PACSIN2: variants seen among roughly 807,000 people sequenced by gnomAD.
The protein encoded by PACSIN2 is protein kinase C and casein kinase substrate in neurons 2.
PACSIN2 carries 25 observed loss-of-function variants against 63.8 expected under a neutral mutation model. The observed-to-expected ratio is 0.39, with a 90% CI of 0.29 to 0.55. PACSIN2 has a LOEUF of 0.55. Among genes scored for constraint, PACSIN2 ranks in the 20% least tolerant of loss-of-function variants. The probability of loss-of-function intolerance (pLI) is 0.62; values close to 1 mark genes in which losing one functional copy is unlikely to be tolerated. For synonymous variants in PACSIN2, 255 were observed against 256.2 expected (o/e 1.00, Z 0.05); for missense variants, 518 against 646.9 (o/e 0.80, Z 2.16).
chr22:42,935,081 A>T (rs368792492), intron 1 of PACSIN2, among the ~76,000 whole-genome samples: 1,979 of 148,968 alleles, frequency 0.013, 43 homozygotes, highest in African/African-American at 0.047. Flanking sequence ...GCGCCCGGCT[A>T]ATTTTTTTTT....
chr22:42,891,608 G>A (rs1602193490), intron 3 of PACSIN2, among the ~76,000 whole-genome samples: 1 of 152,096 alleles, frequency 6.6e-6, no homozygotes, highest in Non-Finnish European at 1.5e-5. Flanking sequence ...CACCATGTTG[G>A]CCAGGCTGGC....
At chr22:42,964,729 T>G (rs985752098) in intron 1 of PACSIN2, among the ~76,000 whole-genome samples, 1 of 152,066 alleles carries the variant, frequency 6.6e-6, no homozygotes, top group Admixed American at 6.5e-5. Context: ...ACGACAAAGT[T>G]AGACAAAAGA....
At chr22:43,001,523 C>T (rs1923766409) in intron 1 of PACSIN2, among the ~76,000 whole-genome samples, 1 of 152,236 alleles carries the variant, frequency 6.6e-6, no homozygotes, top group Admixed American at 6.5e-5. Context: ...AAGCAGGAAG[C>T]TGGGCAGCGC....
chr22:42,968,704 C>T (rs953608238), intron 1 of PACSIN2, among the ~76,000 whole-genome samples: 2 of 152,016 alleles, frequency 1.3e-5, no homozygotes, highest in African/African-American at 4.8e-5. Flanking sequence ...TCCAATCTGC[C>T]GGGGGCCTAA....
chr22:42,943,621 C>T (rs922427172), intron 1 of PACSIN2, among the ~76,000 whole-genome samples: 1 of 152,054 alleles, frequency 6.6e-6, no homozygotes, highest in Non-Finnish European at 1.5e-5. Flanking sequence ...TTTTTTCTTT[C>T]TTTTGTTTTG....
In PACSIN2 at chr22:42,876,975, G is replaced by A. The variant is rs546351529; in HGVS notation, c.1064C>T (p.Ala355Val). ...LNVPSNPAQSAQSQSSYNPFE... is the reference protein window; with the variant it reads ...LNVPSNPAQSVQSQSSYNPFE... ...GGGGTTGTAGCTGGACTGTGACTGCGCAGACTGGGCGGGGTTGCTCGGGAC... is the reference window on the plus strand; with the variant it reads ...GGGGTTGTAGCTGGACTGTGACTGCACAGACTGGGCGGGGTTGCTCGGGAC... Residue 355 changes from alanine to valine, a missense_variant, in exon 9 of 11, where the codon GCG (alanine) becomes GTG (valine). Coordinates refer to ENST00000263246, the MANE Select transcript of PACSIN2 (RefSeq NM_001184970.3). 8.7e-6 allele frequency: 14 copies of A among 1,614,116 alleles called. No individual in the cohort carries two copies. The highest frequency in any genetic ancestry group is 3.3e-5 in the Admixed American group (2 of 60,020).
At chr22:42,900,013 G>A (rs924736673) in intron 2 of PACSIN2, among the ~76,000 whole-genome samples, 4 of 152,144 alleles carry the variant, frequency 2.6e-5, no homozygotes, top group South Asian at 2.1e-4. Context: ...ATTGATGAGC[G>A]AGTCCCCCTC....
chr22:42,883,799 A>T (rs1241077187), intron 6 of PACSIN2, among the ~76,000 whole-genome samples: 1 of 152,176 alleles, frequency 6.6e-6, no homozygotes, highest in Non-Finnish European at 1.5e-5. Flanking sequence ...AGGTCAAGAG[A>T]TCGAGACCAT....
intron 2 of PACSIN2, among the ~76,000 whole-genome samples, chr22:42,894,072 G>A (rs1241630341): frequency 6.6e-6 from 1 of 152,082 alleles, no homozygotes; most frequent in African/African-American, 2.4e-5. Flanking sequence ...TCCACTTCCT[G>A]AGCACCTACC....
Position 42,876,183 on chromosome 22 carries a change from C to G in PACSIN2, c.1302G>C (p.Leu434=), listed in dbSNP as rs1928602559. ...CATGCTCCTGCCCCTCATAGTCATA[C>G]AGGGCCCGGACTCGCACTTCCGTCC... is the stretch of plus-strand genomic sequence containing the variant. The part of the protein sequence containing the change: ...TSGTEVRVRA[L]YDYEGQEHDE... Residue 434 remains leucine (L), a synonymous_variant, in exon 10 of 11, where the codon CTG becomes CTC. Coordinates refer to ENST00000263246, the MANE Select transcript of PACSIN2 (RefSeq NM_001184970.3). 9 of 1,614,136 alleles carry G rather than the reference C, an allele frequency of 5.6e-6. No individual in the cohort carries two copies. Among genetic ancestry groups the G allele is most frequent in the Non-Finnish European group, 7.6e-6 (9 of 1,180,042 alleles).
chr22:43,000,884 G>T (rs551356795), intron 1 of PACSIN2, among the ~76,000 whole-genome samples: 1 of 152,336 alleles, frequency 6.6e-6, no homozygotes, highest in Non-Finnish European at 1.5e-5. Context: ...ATGGCTTACA[G>T]GTGGTCAGGA....
intron 1 of PACSIN2, among the ~76,000 whole-genome samples, chr22:42,990,526 A>G (rs1392985379): frequency 1.3e-5 from 2 of 152,212 alleles, no homozygotes; most frequent in Admixed American, 1.3e-4. Flanking sequence ...CTGCAGGCCC[A>G]GGGGCAAAAC....
intron 4 of PACSIN2, among the ~76,000 whole-genome samples, chr22:42,890,652 T>A (rs904097983): frequency 6.6e-6 from 1 of 152,138 alleles, no homozygotes; most frequent in Admixed American, 6.5e-5. Context: ...GAGGCACAGG[T>A]TGCAGTGAGC....
rs562174030 is a variant in PACSIN2 at position 43,012,901 on chromosome 22, G to A, written c.-78+2120C>T. Among the ~76,000 whole-genome samples, 16 of 152,236 alleles carry A rather than the reference G, an allele frequency of 1.1e-4. No homozygotes were observed. The East Asian group carries it at 2.9e-3, about 28-fold the overall frequency. On this transcript the variant is annotated intron_variant, in intron 1 of 10. Transcript: ENST00000263246. Reference sequence around the variant, plus strand: ...ACTCCCGACCTCTGGTGATCCGCCCGCCTCTGCCTCCCAAAGTGCTGGAGA... The same window carrying A: ...ACTCCCGACCTCTGGTGATCCGCCCACCTCTGCCTCCCAAAGTGCTGGAGA...
intron 3 of PACSIN2, 138 bp downstream of exon 3, chr22:42,893,319 C>T (rs1167934166): frequency 1.2e-6 from 1 of 859,968 alleles, no homozygotes. Flanking sequence ...TCACACCCCG[C>T]TCTGGAACTG....
Position 42,871,254 on chromosome 22 carries a change from T to G in PACSIN2, c.*103A>C, listed in dbSNP as rs898827517. 1 of 747,172 alleles carries G rather than the reference T, an allele frequency of 1.3e-6. No individual in the cohort carries two copies. 46.3% of individuals were successfully genotyped at this position (747,172 alleles called of 1,614,324 possible). A position where few individuals can be genotyped will look rare whatever the true frequency, so the allele number is the denominator to read the frequency against. On this transcript the variant is annotated 3_prime_UTR_variant, in exon 11 of 11. Coordinates refer to ENST00000263246, the MANE Select transcript of PACSIN2 (RefSeq NM_001184970.3). The surrounding 1 kb of genome is among the most constrained non-coding windows in gnomAD (Gnocchi z 5.4). ...AGGAACACCATGAAGCCAAGAGCAA[T>G]GGAACCATCATCTCTTGCAGGAAAA...
rs1931850401 is a variant in PACSIN2 at position 42,916,926 on chromosome 22, A to C, written c.-77-4769T>G. ...ATGTTGGTGACTGGGGCTGGGTTTG[A>C]TTTTTGTTTTCCTGTCATTGTTGCT... On this transcript the variant is annotated intron_variant, in intron 1 of 10. Coordinates refer to ENST00000263246, the MANE Select transcript of PACSIN2 (RefSeq NM_001184970.3). Among the ~76,000 whole-genome samples, 7 of 152,202 alleles carry C rather than the reference A, an allele frequency of 4.6e-5. No individual in the cohort carries two copies. The South Asian group carries it at 1.2e-3, about 27-fold the overall frequency.
At chr22:42,973,996 G>T (rs1327985246) in intron 1 of PACSIN2, among the ~76,000 whole-genome samples, 1 of 152,186 alleles carries the variant, frequency 6.6e-6, no homozygotes, top group Non-Finnish European at 1.5e-5. Context: ...ACGAGCTGTG[G>T]AATCGCAATT....
At chr22:42,965,319 A>T (rs1053789069) in intron 1 of PACSIN2, among the ~76,000 whole-genome samples, 2 of 152,226 alleles carry the variant, frequency 1.3e-5, no homozygotes, top group Non-Finnish European at 2.9e-5. Context: ...ATTTTGGAGC[A>T]ATGGAAATAT....
Sources: gnomAD v4.1 joint callset for allele counts (sites outside exome capture counted in the v4.1 genomes callset) on GRCh38, gnomAD v4.1.1 for gene constraint, Gnocchi (gnomAD v3.1) non-coding constraint, MANE v1.5 for transcripts, NCBI Gene and HGNC (gene_info 2026-07-23, HGNC 2026-07-21) for gene names.